The following FRMD4A variants were observed in gnomAD, a reference collection of about 807,000 sequenced individuals.
The protein encoded by FRMD4A is FERM domain-containing protein 4A.
A neutral mutation model predicts 129.1 loss-of-function variants in FRMD4A; 29 were observed. That is an observed-to-expected ratio of 0.22 (90% CI 0.17 to 0.31). The LOEUF is 0.31. FRMD4A is among the 10% of genes least tolerant of loss of function. The pLI, the probability that FRMD4A is intolerant of heterozygous loss-of-function variation, is 1.00. For missense variants in FRMD4A, 1,272 were observed against 1,375.8 expected, an observed-to-expected ratio of 0.92 and a Z score of 1.19; for synonymous variants, 634 against 571.6, an observed-to-expected ratio of 1.11 and a Z score of -1.56.
At chr10:14,313,314 G>A (rs1432364824) in intron 2 of FRMD4A, among the ~76,000 whole-genome samples, 2 of 152,170 alleles carry the variant, frequency 1.3e-5, no homozygotes, top group Admixed American at 6.5e-5. Context: ...AGTGAGCTAT[G>A]ATTGCGCCTC....
intron 2 of FRMD4A, among the ~76,000 whole-genome samples, chr10:14,300,691 G>A (rs1846155150): frequency 6.6e-6 from 1 of 152,200 alleles, no homozygotes; most frequent in African/African-American, 2.4e-5. Context: ...ATAATGCAAT[G>A]TTTATGATGT....
chr10:14,191,801 T>TC (rs200600338), intron 2 of FRMD4A, among the ~76,000 whole-genome samples: 1,397 of 113,386 alleles, frequency 0.012, 31 homozygotes, highest in East Asian at 0.12. Context: ...GCTGTTTTTT[T>TC]TTTTTCTCTC....
At chr10:13,898,380 A>G (rs1391957916) in intron 2 of FRMD4A, among the ~76,000 whole-genome samples, 1 of 152,204 alleles carries the variant, frequency 6.6e-6, no homozygotes, top group Non-Finnish European at 1.5e-5. Flanking sequence ...AAATAAAAAA[A>G]TAAAAAATTG....
At chr10:14,071,071 C>T (rs1190784395) in intron 2 of FRMD4A, among the ~76,000 whole-genome samples, 1 of 152,230 alleles carries the variant, frequency 6.6e-6, no homozygotes, top group Non-Finnish European at 1.5e-5. Flanking sequence ...CGCCCCTTAC[C>T]AGGGAAAGAA....
Position 13,656,730 on chromosome 10 carries a change from C to T in FRMD4A, c.2859G>A (p.Ser953=). 1.3e-6 allele frequency: 2 copies of T among 1,593,262 alleles called. No homozygotes were observed. The highest frequency in any genetic ancestry group is 4.7e-5 in the East Asian group (2 of 42,534). ...SRLSHTSSTS[S]DSGSQYSTSS... The stretch of plus-strand genomic sequence containing the variant: ...AGGTGCTGTACTGCGAGCCGCTGTC[C>T]GAGGAGGTGGAGCTGGTGTGCGACA... The change falls in exon 22 of 25, where the codon TCG becomes TCA. Residue 953 remains serine, a synonymous_variant. Transcript: ENST00000357447.
chr10:13,873,471 AT>A (rs1434817176), intron 2 of FRMD4A, among the ~76,000 whole-genome samples: 1 of 152,214 alleles, frequency 6.6e-6, no homozygotes, highest in African/African-American at 2.4e-5. Context: ...TATGAGGAAT[AT>A]TTCCAGCATT....
chr10:14,065,973 C>T (rs1252461739), intron 2 of FRMD4A, among the ~76,000 whole-genome samples: 1 of 148,582 alleles, frequency 6.7e-6, no homozygotes, highest in African/African-American at 2.5e-5. Context: ...TTCCAGAAAA[C>T]AACGTATGAG....
At chr10:14,300,944 T>G (rs549670168) in intron 2 of FRMD4A, among the ~76,000 whole-genome samples, 1 of 152,262 alleles carries the variant, frequency 6.6e-6, no homozygotes, top group Admixed American at 6.5e-5. Flanking sequence ...CAACAAATGG[T>G]CTAGCAATGT....
At chr10:13,685,057 A>C in intron 15 of FRMD4A, 1 of 984,872 alleles carries the variant, frequency 1.0e-6, no homozygotes, top group Non-Finnish European at 1.2e-6. Context: ...AAGATGTCCC[A>C]GGAGACCACG....
At chr10:14,269,620 A>G (rs982114288) in intron 2 of FRMD4A, among the ~76,000 whole-genome samples, 1 of 152,116 alleles carries the variant, frequency 6.6e-6, no homozygotes, top group Admixed American at 6.5e-5. Context: ...AAGGGATGCC[A>G]TGCAATTAAG....
chr10:13,882,330 T>G (rs1236639086), intron 2 of FRMD4A, among the ~76,000 whole-genome samples: 1 of 152,124 alleles, frequency 6.6e-6, no homozygotes, highest in African/African-American at 2.4e-5. Context: ...ATTGGAAAGA[T>G]TAGCTGAAGA....
At chr10:13,990,921 T>C (rs879030580) in intron 2 of FRMD4A, among the ~76,000 whole-genome samples, 2 of 151,856 alleles carry the variant, frequency 1.3e-5, no homozygotes, top group Non-Finnish European at 2.9e-5. Context: ...ATTAAACAAA[T>C]CAAAAAGAAA....
At chr10:13,706,877 G>A (rs1016688668) in intron 13 of FRMD4A, among the ~76,000 whole-genome samples, 160 bp downstream of exon 13, 3 of 151,882 alleles carry the variant, frequency 2.0e-5, no homozygotes, top group Non-Finnish European at 2.9e-5. Context: ...TAATTGAAAA[G>A]AAAGTTTCAC....
Position 13,747,801 on chromosome 10 carries a change from A to C in FRMD4A, c.483T>G (p.Ser161Arg). 1 of 1,594,290 alleles carries C rather than the reference A, an allele frequency of 6.3e-7. No individual in the cohort carries two copies. Among genetic ancestry groups the C allele is most frequent in the South Asian group, 1.1e-5 (1 of 90,670 alleles). ...GDFSSNEVVRSDLKKLPALPT... is the reference protein window; with the variant it reads ...GDFSSNEVVRRDLKKLPALPT... ...GAAGGGCTGGCAGCTTCTTCAAGTC[A>C]CTCCTCACAACTTCATTGCTGAAAG... The change falls in exon 9 of 25, where the codon AGT becomes AGG. Residue 161 changes from serine (S) to arginine (R), a missense_variant. Physicochemically the swap from Ser to Arg is moderately radical, Grantham distance 110. This residue lies in a region of FRMD4A where 300 missense variants were observed against 483.6 expected (regional missense o/e 0.62). Transcript: ENST00000357447.
intron 2 of FRMD4A, among the ~76,000 whole-genome samples, chr10:14,156,851 G>C (rs1293967158): frequency 6.6e-6 from 1 of 152,162 alleles, no homozygotes; most frequent in Non-Finnish European, 1.5e-5. Context: ...CTCTATCAAA[G>C]AGGCTTCTTC....
At chr10:13,891,766 CCCGTCCCCGCCG>C in intron 2 of FRMD4A, 1 of 981,696 alleles carries the variant, frequency 1.0e-6, no homozygotes, top group Non-Finnish European at 1.2e-6. Flanking sequence ...GAGCCCCCGC[CCCGTCCCCGCCG>C]CCGCCCCCGC....
At chr10:13,851,582 G>C (rs916312229) in intron 3 of FRMD4A, among the ~76,000 whole-genome samples, 2 of 152,012 alleles carry the variant, frequency 1.3e-5, no homozygotes, top group Non-Finnish European at 2.9e-5. Context: ...AACTATACAC[G>C]TGAGGGATCT....
intron 4 of FRMD4A, among the ~76,000 whole-genome samples, chr10:13,806,177 G>C (rs1457561636): frequency 2.6e-5 from 4 of 151,960 alleles, no homozygotes; most frequent in Non-Finnish European, 5.9e-5. Context: ...TGGTAGAGAT[G>C]GGGGTCTTGC....
At chr10:14,106,832 G>A (rs999446987) in intron 2 of FRMD4A, among the ~76,000 whole-genome samples, 36 of 150,856 alleles carry the variant, frequency 2.4e-4, no homozygotes, top group African/African-American at 8.3e-4. Flanking sequence ...TCGAGCTACC[G>A]TTTGACCCAG....
Sources: allele counts gnomAD v4.1 joint callset (sites outside exome capture counted in the v4.1 genomes callset), GRCh38; gene constraint gnomAD v4.1.1; regional missense constraint gnomAD v4.1.1; transcripts MANE v1.5; gene names NCBI Gene and HGNC (gene_info 2026-07-23, HGNC 2026-07-21).